UTP25: variants seen among roughly 807,000 people sequenced by gnomAD.
The protein encoded by UTP25 is U3 small nucleolar RNA-associated protein 25 homolog.
UTP25 carries 50 observed loss-of-function variants against 78.9 expected under a neutral mutation model. The ratio of observed to expected loss-of-function variants is 0.63; its 90% CI spans 0.50 to 0.80. The LOEUF (loss-of-function observed/expected upper bound fraction) is 0.80, where lower values mean the gene tolerates loss of function less well. Ranked by LOEUF, UTP25 falls within the 30% of genes least tolerant of loss-of-function variation. The probability of loss-of-function intolerance (pLI) is 0.00; values close to 1 mark genes in which losing one functional copy is unlikely to be tolerated. For synonymous variants in UTP25, 329 were observed against 336.5 expected, an observed-to-expected ratio of 0.98 and a Z score of 0.24; for missense variants, 846 against 911.3, an observed-to-expected ratio of 0.93 and a Z score of 0.92.
In UTP25 at chr1:209,828,152, A is replaced by C. The variant is rs1236519224; in HGVS notation, c.89A>C (p.Glu30Ala). Residue 30 changes from glutamate (E) to alanine (A), a missense_variant, in exon 1 of 12, where the codon GAG (glutamate) becomes GCG (alanine). Glu to Ala is a moderately radical substitution (Grantham distance 107). Transcript: ENST00000491415. Reference protein sequence around the residue: ...QKKHLRDFGEEHPFYDRVSRK... With the variant: ...QKKHLRDFGEAHPFYDRVSRK... ...AAACATCTTCGAGATTTCGGCGAGG[A>C]GCATCCCTTCTATGACAGGTCTGAA... The C allele has an allele frequency of 3.1e-5, 50 of 1,614,086 alleles. No individual in the cohort carries two copies. Among genetic ancestry groups the C allele is most frequent in the Non-Finnish European group, 4.2e-5 (50 of 1,179,936 alleles).
Position 209,842,266 on chromosome 1 carries a change from A to C in UTP25, c.1487A>C (p.His496Pro). 1 of 1,613,424 alleles carries C rather than the reference A, an allele frequency of 6.2e-7. No individual in the cohort carries two copies. The highest frequency in any genetic ancestry group is 1.7e-5 in the Admixed American group (1 of 60,018). Residue 496 changes from histidine to proline, a missense_variant and splice_region_variant, in exon 9 of 12, where the codon CAT (histidine) becomes CCT (proline). Physicochemically the swap from His to Pro is moderately conservative, Grantham distance 77. Transcript: ENST00000491415. ...YLMQNWEHVL[H>P]LMNHMNLLPL... ...TGGTAATATTATTTCCACTCAAAGC[A>C]TTTGATGAATCACATGAACCTACTA...
rs758292199 is a variant in UTP25, at chr1:209,828,188, A to C, written c.107+18A>C. ...TATGACAGGTCTGAAGGGGCGTGGC[A>C]GGGCTCCCCAGTCGCCAGAGATGTA... On this transcript the variant is annotated intron_variant, in intron 1 of 11. Transcript: ENST00000491415. The C allele has an allele frequency of 9.4e-6, 15 of 1,587,510 alleles. No individual in the cohort carries two copies. Among genetic ancestry groups the C allele is most frequent in the Non-Finnish European group, 1.2e-5 (14 of 1,156,036 alleles).
In UTP25 at chr1:209,837,030, A is replaced by G. The variant is rs749495776; in HGVS notation, c.881A>G (p.Tyr294Cys). ...ATGAATTCTTACCGGGACCTGTTCT[A>G]CCCGGAAAGGACTGCTCTGAAGAAC... ...LIMNSYRDLFYPERTALKNGE... is the reference protein window; with the variant it reads ...LIMNSYRDLFCPERTALKNGE... The change falls in exon 6 of 12, where the codon TAC (tyrosine) becomes TGC (cysteine). Residue 294 changes from tyrosine (Y) to cysteine (C), a missense_variant. Physicochemically the swap from Tyr to Cys is radical, Grantham distance 194. Coordinates refer to ENST00000491415, the MANE Select transcript of UTP25 (RefSeq NM_014388.7). 5.0e-6 allele frequency: 8 copies of G among 1,613,932 alleles called. No homozygotes were observed. The Admixed American group carries it at 1.2e-4, about 24-fold the overall frequency.
chr1:209,843,559 C>G lies in UTP25; in HGVS notation c.1890C>G (p.Tyr630Ter), dbSNP rs1321381256. Residue 630 changes from tyrosine to a stop codon, truncating the protein, a stop_gained, in exon 11 of 12, where the codon TAC becomes TAG. Coordinates refer to ENST00000491415, the MANE Select transcript of UTP25 (RefSeq NM_014388.7). LOFTEE classifies it high-confidence loss of function. ...TTGACTTCGTGCGTCTTCGAAATTACTTCAAGAAGGAGGAATTGAATTTTA... is the reference window on the plus strand; with the variant it reads ...TTGACTTCGTGCGTCTTCGAAATTAGTTCAAGAAGGAGGAATTGAATTTTA... ...SYFDFVRLRN[Y>*]FKKEELNFTH... 6.2e-7 allele frequency: 1 copy of G among 1,614,198 alleles called. No homozygotes were observed. Among genetic ancestry groups the G allele is most frequent in the South Asian group, 1.1e-5 (1 of 91,086 alleles).
chr1:209,849,303 C>T (rs1195616026), intron 11 of UTP25, among the ~76,000 whole-genome samples: 1 of 152,110 alleles, frequency 6.6e-6, no homozygotes, highest in Non-Finnish European at 1.5e-5. Context: ...CTTCCCTAAT[C>T]GAACTCTGCT....
intron 6 of UTP25, among the ~76,000 whole-genome samples, chr1:209,838,203 G>A (rs1310611414): frequency 1.3e-5 from 2 of 152,178 alleles, no homozygotes; most frequent in Admixed American, 6.5e-5. Flanking sequence ...TTATAATTTG[G>A]TGAATTACGT....
chr1:209,839,861 C>G (rs1449326724), intron 7 of UTP25, among the ~76,000 whole-genome samples: 1 of 152,198 alleles, frequency 6.6e-6, no homozygotes, highest in African/African-American at 2.4e-5. Context: ...AACGGTTGTT[C>G]TCGGAGCATT....
intron 1 of UTP25, among the ~76,000 whole-genome samples, chr1:209,829,550 C>T (rs1047936327): frequency 1.3e-4 from 19 of 151,332 alleles, no homozygotes; most frequent in Non-Finnish European, 2.5e-4. Flanking sequence ...GTGCTGCAAT[C>T]CTGGCTCACT....
rs751982637 is a variant in UTP25 at position 209,842,630 on chromosome 1, G to A, written c.1716G>A (p.Leu572=). Residue 572 remains leucine, a synonymous_variant, in exon 10 of 12, where the codon CTG becomes CTA. Coordinates refer to ENST00000491415, the MANE Select transcript of UTP25 (RefSeq NM_014388.7). Reference sequence around the variant, plus strand: ...TGACAGGCTCTATCAGTCATGTCCTGGTGCAGCTCCCACATGTCTTCCAGA... The same window carrying A: ...TGACAGGCTCTATCAGTCATGTCCTAGTGCAGCTCCCACATGTCTTCCAGA... ...VPMTGSISHV[L]VQLPHVFQRM... is the part of the protein sequence containing the mutation. 8.1e-6 allele frequency: 13 copies of A among 1,613,746 alleles called. No homozygotes were observed. The highest frequency in any genetic ancestry group is 1.1e-5 in the Non-Finnish European group (13 of 1,179,912).
intron 11 of UTP25, chr1:209,844,649 A>C (rs906471619): frequency 1.9e-5 from 3 of 155,118 alleles, no homozygotes; most frequent in Non-Finnish European, 4.2e-5. Context: ...AAAAAAAAAA[A>C]AAAAAACCAA....
In UTP25 at chr1:209,853,883, C is replaced by T. The variant is rs1419961364; in HGVS notation, c.*2436C>T. 6.6e-6 allele frequency: 1 copy of T among 152,258 alleles called. No individual in the cohort carries two copies. Among genetic ancestry groups the T allele is most frequent in the African/African-American group, 2.4e-5 (1 of 41,470 alleles). 9.4% of individuals were successfully genotyped at this position (152,258 alleles called of 1,614,324 possible). A position where few individuals can be genotyped will look rare whatever the true frequency, so the allele number is the denominator to read the frequency against. On this transcript the variant is annotated 3_prime_UTR_variant, in exon 12 of 12. Coordinates refer to ENST00000491415, the MANE Select transcript of UTP25 (RefSeq NM_014388.7). Reference sequence around the variant, plus strand: ...CTGGCATAGAGCCAAACCCAGCCAACTGCTTCTTGCCTGCAGAGAACACTG... The same window carrying T: ...CTGGCATAGAGCCAAACCCAGCCAATTGCTTCTTGCCTGCAGAGAACACTG...
chr1:209,836,722 T>A (rs1572002203), intron 5 of UTP25, 79 bp from the exon 6 acceptor site: 3 of 1,448,570 alleles, frequency 2.1e-6, no homozygotes, highest in Admixed American at 2.3e-5. Context: ...CATGAAAAAA[T>A]TCGCTAAATA....
Position 209,833,182 on chromosome 1 carries a change from C to T in UTP25, c.389-3C>T, listed in dbSNP as rs1208243552. ...TTTTATAAAATGTTTCTCAAAACTG[C>T]AGATGTAGCTTTATCTGCTGACCCT... On this transcript the variant is annotated splice_region_variant and splice_polypyrimidine_tract_variant and intron_variant, in intron 3 of 11. Transcript: ENST00000491415. 1 of 1,607,212 alleles carries T rather than the reference C, an allele frequency of 6.2e-7. No individual in the cohort carries two copies. The highest frequency in any genetic ancestry group is 1.3e-5 in the African/African-American group (1 of 74,300).
At chr1:209,837,931 A>C (rs951331315) in intron 6 of UTP25, among the ~76,000 whole-genome samples, 1 of 152,180 alleles carries the variant, frequency 6.6e-6, no homozygotes, top group Non-Finnish European at 1.5e-5. Flanking sequence ...GTTTAATAGG[A>C]TTCTAGAAAT....
Position 209,843,626 on chromosome 1 carries a change from G to A in UTP25, c.1957G>A (p.Ala653Thr), listed in dbSNP as rs981759580. ...EYTQKSGVSR[A>T]RHFFLQGEKQ... Reference sequence around the variant, plus strand: ...CACGCAGAAGTCTGGTGTCTCCAGGGCCAGACACTTCTTCCTTCAAGGAGA... The same window carrying A: ...CACGCAGAAGTCTGGTGTCTCCAGGACCAGACACTTCTTCCTTCAAGGAGA... Residue 653 changes from alanine to threonine, a missense_variant, in exon 11 of 12, where the codon GCC becomes ACC. Physicochemically the swap from Ala to Thr is moderately conservative, Grantham distance 58. Transcript: ENST00000491415. 8.7e-6 allele frequency: 14 copies of A among 1,613,920 alleles called. No individual in the cohort carries two copies. The Admixed American group carries it at 1.0e-4, about 12-fold the overall frequency.
At position 209,839,148 on chromosome 1, in the gene UTP25, T is replaced by G; in HGVS notation, c.1282+20T>G. 6.3e-7 allele frequency: 1 copy of G among 1,587,044 alleles called. No individual in the cohort carries two copies. Among genetic ancestry groups the G allele is most frequent in the South Asian group, 1.1e-5 (1 of 87,562 alleles). ...GGATTGGTAATTCTTCCTTATCAAC[T>G]TTGAGACCTAAAGTGTGAAGGTCTA... On this transcript the variant is annotated intron_variant, in intron 7 of 11. Transcript: ENST00000491415.
chr1:209,836,980 C>A lies in UTP25; in HGVS notation c.831C>A (p.Pro277=), dbSNP rs766205047. ...AAAAATCAAGCAGCCCATTCACCCC[C>A]CTCCAGAAAGAACTCTTCTTAATTA... The part of the protein sequence containing the change: ...GPQKSSSPFT[P]LQKELFLIMN... The change falls in exon 6 of 12, where the codon CCC becomes CCA. Residue 277 remains proline, a synonymous_variant. Coordinates refer to ENST00000491415, the MANE Select transcript of UTP25 (RefSeq NM_014388.7). 1.7e-5 allele frequency: 28 copies of A among 1,614,026 alleles called. 1 individual carries two copies. The highest frequency in any genetic ancestry group is 7.7e-5 in the South Asian group (7 of 91,088).
intron 6 of UTP25, among the ~76,000 whole-genome samples, chr1:209,838,552 GAC>G (rs1393345298): frequency 6.6e-6 from 1 of 152,184 alleles, no homozygotes; most frequent in Admixed American, 6.5e-5. Context: ...TTCTGTGGGA[GAC>G]ACAGAAATCT....
intron 7 of UTP25, among the ~76,000 whole-genome samples, chr1:209,840,323 A>G (rs560175266): frequency 1.3e-5 from 2 of 152,344 alleles, no homozygotes; most frequent in South Asian, 4.1e-4. Flanking sequence ...CAGAAGAGTT[A>G]TTTGGATCTG....
Sources: allele counts gnomAD v4.1 joint callset (sites outside exome capture counted in the v4.1 genomes callset), GRCh38; gene constraint gnomAD v4.1.1; transcripts MANE v1.5; gene names NCBI Gene and HGNC (gene_info 2026-07-23, HGNC 2026-07-21).